AMZ1: variants seen among roughly 807,000 people sequenced by gnomAD.
AMZ1 encodes the protein archaemetzincin-1.
AMZ1 carries 39 observed loss-of-function variants against 29.9 expected under a neutral mutation model. The ratio of observed to expected loss-of-function variants is 1.30; its 90% confidence interval spans 1.01 to 1.70. The LOEUF is 1.70. Ranked by LOEUF, AMZ1 falls within the 40% of genes most tolerant of loss-of-function variation. The pLI is 0.00. For missense variants in AMZ1, 1,041 were observed against 680.6 expected, an observed-to-expected ratio of 1.53 and a Z score of -5.89; for synonymous variants, 458 against 304.0, an observed-to-expected ratio of 1.51 and a Z score of -5.27.
At chr7:2,695,957 T>C (rs539978387) in intron 1 of AMZ1, among the ~76,000 whole-genome samples, 9 of 142,346 alleles carry the variant, frequency 6.3e-5, no homozygotes, top group East Asian at 6.2e-4. Flanking sequence ...TGCAGTGAGC[T>C]GAGATAGTGC....
At chr7:2,695,865 C>T (rs1218941768) in intron 1 of AMZ1, among the ~76,000 whole-genome samples, 1 of 151,934 alleles carries the variant, frequency 6.6e-6, no homozygotes, top group African/African-American at 2.4e-5. Context: ...ACAAAATTAG[C>T]CGGGCGTGGT....
intron 2 of AMZ1, 76 bp from the exon 3 acceptor site, chr7:2,702,646 C>A: frequency 6.9e-7 from 1 of 1,454,622 alleles, no homozygotes; most frequent in Non-Finnish European, 9.1e-7. Flanking sequence ...AGGCCGGTGT[C>A]TGCGAGTGAT....
At chr7:2,704,254 G>C (rs1370095006) in intron 3 of AMZ1, among the ~76,000 whole-genome samples, 1 of 152,188 alleles carries the variant, frequency 6.6e-6, no homozygotes. Flanking sequence ...TGTAATCCCA[G>C]TACTTTGAGA....
intron 4 of AMZ1, among the ~76,000 whole-genome samples, chr7:2,751,856 T>C (rs984510884): frequency 2.0e-5 from 3 of 152,138 alleles, no homozygotes; most frequent in South Asian, 4.1e-4. Context: ...ACTGGATTTG[T>C]TCTAAAACAA....
chr7:2,702,857 G>C lies in AMZ1; in HGVS notation c.440G>C (p.Ser147Thr), dbSNP rs749181620. The change falls in exon 3 of 7, where the codon AGC becomes ACC. Residue 147 changes from serine to threonine, a missense_variant. By Grantham distance (58) the Ser-to-Thr change is moderately conservative (BLOSUM62 1). Coordinates refer to ENST00000683327, the MANE Select transcript of AMZ1 (RefSeq NM_001384743.1). ...TCCATCCGCTGCTCCTCGCGGCCCA[G>C]CCGGGACTCTGACAGGCTCCAGCTC... is the stretch of plus-strand genomic sequence containing the variant. ...AASIRCSSRP[S>T]RDSDRLQLHT... 3 of 1,587,078 alleles carry C rather than the reference G, an allele frequency of 1.9e-6. No homozygotes were observed. The highest frequency in any genetic ancestry group is 2.6e-6 in the Non-Finnish European group (3 of 1,172,606).
chr7:2,707,547 A>C, intron 3 of AMZ1, among the ~76,000 whole-genome samples: 1 of 151,754 alleles, frequency 6.6e-6, no homozygotes, highest in South Asian at 2.1e-4. Flanking sequence ...GTCCACACTC[A>C]TGCTCCGGGG....
chr7:2,733,429 T>TCGGG (rs1583205611), intron 4 of AMZ1: 3 of 1,610,048 alleles, frequency 1.9e-6, no homozygotes, highest in Admixed American at 3.3e-5. Flanking sequence ...CCCAGCTTCT[T>TCGGG]CGGGCGGGCG....
chr7:2,700,891 G>A, intron 2 of AMZ1, 136 bp downstream of exon 2: 1 of 1,240,136 alleles, frequency 8.1e-7, no homozygotes, highest in South Asian at 1.5e-5. Flanking sequence ...GGATGCCAGG[G>A]TGGAGGCAGG....
In AMZ1 at chr7:2,740,996, G is replaced by C. The variant is rs144754695; in HGVS notation, n.551-23716G>C. On this transcript the variant is annotated intron_variant and non_coding_transcript_variant, in intron 4 of 4. Coordinates refer to the AMZ1 transcript ENST00000489665. ...GGAGGCAGAGCTTGCAGTGAGCTGA[G>C]ATCGGGCCACTGCACTCCTGCCTGG... Among the ~76,000 whole-genome samples the C allele has an allele frequency of 4.8e-3, 726 of 152,338 alleles. 12 individuals carry two copies. The highest frequency in any genetic ancestry group is 0.017 in the African/African-American group (700 of 41,576).
chr7:2,700,531 C>A lies in AMZ1; in HGVS notation c.80C>A (p.Ala27Asp). The change falls in exon 2 of 7, where the codon GCC (alanine) becomes GAC (aspartate). Residue 27 changes from alanine to aspartate, a missense_variant. Physicochemically the swap from Ala to Asp is moderately radical, Grantham distance 126. Coordinates refer to ENST00000683327, the MANE Select transcript of AMZ1 (RefSeq NM_001384743.1). ...GACGCTCTGGTCTCCACTGACGCAG[C>A]CCTGCAGCAGCTGTATGTGTCCGCC... ...LKDALVSTDA[A>D]LQQLYVSAFS... 6.2e-7 allele frequency: 1 copy of A among 1,608,592 alleles called. No homozygotes were observed. Among genetic ancestry groups the A allele is most frequent in the Non-Finnish European group, 8.5e-7 (1 of 1,179,930 alleles).
chr7:2,705,805 G>A (rs533428877), intron 3 of AMZ1, among the ~76,000 whole-genome samples: 156 of 152,316 alleles, frequency 1.0e-3, no homozygotes, highest in African/African-American at 3.7e-3. Context: ...TGGGGTCTGG[G>A]GACAATGTGG....
upstream of AMZ1, among the ~76,000 whole-genome samples, chr7:2,759,664 G>A (rs1212015224): frequency 1.3e-5 from 2 of 152,134 alleles, no homozygotes; most frequent in Non-Finnish European, 2.9e-5. Context: ...GCTGTTTCAC[G>A]CTGTGCCTAT....
At chr7:2,698,946 C>T (rs930491533) in intron 1 of AMZ1, among the ~76,000 whole-genome samples, 8 of 152,100 alleles carry the variant, frequency 5.3e-5, no homozygotes, top group South Asian at 2.1e-4. Flanking sequence ...ACTTGACGGT[C>T]GCAGACAAGT....
chr7:2,696,096 C>A (rs555947832), intron 1 of AMZ1, among the ~76,000 whole-genome samples: 4 of 151,774 alleles, frequency 2.6e-5, no homozygotes, highest in East Asian at 3.9e-4. Context: ...CCCCGCCCCC[C>A]ACAACCTCTG....
chr7:2,709,027 G>A lies in AMZ1; in HGVS notation c.602-48G>A, dbSNP rs746201767. The stretch of plus-strand genomic sequence containing the variant: ...GGTGGGTTTGACGGTGGGCCCCCCA[G>A]AGCCAAGGCTGACCCCTGAGAGTGC... On this transcript the variant is annotated intron_variant, in intron 4 of 6. Transcript: ENST00000683327. 9 of 1,522,356 alleles carry A rather than the reference G, an allele frequency of 5.9e-6. No individual in the cohort carries two copies. In the South Asian group the frequency reaches 6.6e-5, roughly 11 times the overall value. The allele number at this position is 1,522,356 out of a possible 1,614,324, so 94.3% of individuals were successfully genotyped here.
chr7:2,746,059 A>C (rs1159851238), intron 4 of AMZ1, among the ~76,000 whole-genome samples: 3 of 152,208 alleles, frequency 2.0e-5, no homozygotes, highest in Non-Finnish European at 4.4e-5. Context: ...AGACTCCCAC[A>C]CAATAATAAT....
rs201255912 is a variant in AMZ1, at chr7:2,700,491, C to T, written c.40C>T (p.Pro14Ser). 2.1e-5 allele frequency: 33 copies of T among 1,604,330 alleles called. No homozygotes were observed. The Admixed American group carries it at 2.3e-4, about 11-fold the overall frequency. The change falls in exon 2 of 7, where the codon CCC (proline) becomes TCC (serine). Residue 14 changes from proline to serine, a missense_variant. Transcript: ENST00000683327. ...ACCCGCACAGGAGTTCAGCTTCGGG[C>T]CCCGGGCCTTGAAGGACGCTCTGGT... ...CRPAQEFSFGPRALKDALVST... is the reference protein window; with the variant it reads ...CRPAQEFSFGSRALKDALVST...
chr7:2,731,807 T>A lies in AMZ1; in HGVS notation n.550+21991T>A. On this transcript the variant is annotated intron_variant and non_coding_transcript_variant, in intron 4 of 4. Coordinates refer to the AMZ1 transcript ENST00000489665. The surrounding 1 kb of genome is among the most constrained non-coding windows in gnomAD (Gnocchi z 6.0). ...GGGGAGGAAGAAAGAACAGAGAAAA[T>A]AGAAACAAAAAGATGGCAAAAAGAT... 1 of 928,430 alleles carries A rather than the reference T, an allele frequency of 1.1e-6. No homozygotes were observed. Among genetic ancestry groups the A allele is most frequent in the Non-Finnish European group, 1.5e-6 (1 of 650,486 alleles). 57.5% of individuals were successfully genotyped at this position (928,430 alleles called of 1,614,324 possible).
upstream of AMZ1, among the ~76,000 whole-genome samples, chr7:2,764,127 G>A (rs1170813973): frequency 1.3e-5 from 2 of 152,040 alleles, no homozygotes; most frequent in African/African-American, 4.8e-5. Flanking sequence ...TTAGGGGGCC[G>A]TGGTGCAATC....
Sources: allele counts gnomAD v4.1 joint callset (sites outside exome capture counted in the v4.1 genomes callset), GRCh38; gene constraint gnomAD v4.1.1; non-coding constraint Gnocchi (gnomAD v3.1); transcripts MANE v1.5; gene names NCBI Gene and HGNC (gene_info 2026-07-23, HGNC 2026-07-21).